The following UTP18 variants were observed in gnomAD, a reference collection of about 807,000 sequenced individuals.
UTP18 encodes UTP18 small subunit processome component.
Under a neutral mutation model 61.1 loss-of-function variants are expected in UTP18, and 36 were observed. The observed-to-expected ratio is 0.59, with a 90% CI of 0.45 to 0.78. The LOEUF is 0.78. Ranked by LOEUF, UTP18 falls within the 30% of genes least tolerant of loss-of-function variation. The pLI is 0.00. For missense variants in UTP18, 753 were observed against 693.9 expected (o/e 1.09, Z -0.96); for synonymous variants, 282 against 251.1 (o/e 1.12, Z -1.16).
chr17:51,282,597 A>T (rs1364228539), intron 9 of UTP18, among the ~76,000 whole-genome samples: 2 of 150,610 alleles, frequency 1.3e-5, no homozygotes, highest in Non-Finnish European at 3.0e-5. Context: ...GTAGAGAGAG[A>T]GTCGGGGAGG....
intron 1 of UTP18, among the ~76,000 whole-genome samples, 179 bp downstream of exon 1, chr17:51,261,105 G>A (rs561849130): frequency 6.6e-6 from 1 of 152,366 alleles, no homozygotes; most frequent in African/African-American, 2.4e-5. Flanking sequence ...CCCTGCTCCA[G>A]ACTGAAAGTG....
At chr17:51,274,912 A>C (rs1439170706) in intron 5 of UTP18, among the ~76,000 whole-genome samples, 2 of 150,812 alleles carry the variant, frequency 1.3e-5, no homozygotes, top group Non-Finnish European at 3.0e-5. Flanking sequence ...TGTAGTTACC[A>C]CATGGCCGGG....
At chr17:51,275,354 T>A (rs1384894994) in intron 5 of UTP18, among the ~76,000 whole-genome samples, 2 of 152,172 alleles carry the variant, frequency 1.3e-5, no homozygotes, top group Non-Finnish European at 2.9e-5. Context: ...GGATGTGAGA[T>A]TACCATTACT....
At chr17:51,266,332 C>T (rs749489154) in intron 3 of UTP18, 52 bp downstream of exon 3, 1 of 1,289,230 alleles carries the variant, frequency 7.8e-7, no homozygotes, top group Admixed American at 2.6e-5. Flanking sequence ...AACCAATGCC[C>T]AGTCATTAAC....
At chr17:51,267,526 A>T (rs1426174205) in intron 3 of UTP18, among the ~76,000 whole-genome samples, 1 of 149,810 alleles carries the variant, frequency 6.7e-6, no homozygotes, top group Non-Finnish European at 1.5e-5. Flanking sequence ...TTAATTAGTC[A>T]CTTTGCATTT....
intron 10 of UTP18, among the ~76,000 whole-genome samples, chr17:51,287,222 A>G (rs1178412619): frequency 6.6e-6 from 1 of 152,178 alleles, no homozygotes; most frequent in African/African-American, 2.4e-5. Flanking sequence ...TTTAATTTTA[A>G]TTGCCCTTCA....
chr17:51,267,030 G>A (rs763459135), intron 3 of UTP18, among the ~76,000 whole-genome samples: 5 of 152,130 alleles, frequency 3.3e-5, no homozygotes, highest in Non-Finnish European at 2.9e-5. Flanking sequence ...GTTTCACTAT[G>A]TTGCTCAGGC....
intron 10 of UTP18, chr17:51,286,537 G>T: frequency 2.2e-6 from 1 of 456,214 alleles, no homozygotes; most frequent in Non-Finnish European, 4.4e-6. Flanking sequence ...TTGCAAATTG[G>T]AGTTTGGGAG....
At chr17:51,265,619 A>G (rs1167323770) in intron 2 of UTP18, among the ~76,000 whole-genome samples, 2 of 134,488 alleles carry the variant, frequency 1.5e-5, no homozygotes, top group African/African-American at 3.0e-5. Context: ...GCTGGAGTAC[A>G]GTGCCACAAT....
At chr17:51,270,647 C>G (rs1031284710) in intron 4 of UTP18, among the ~76,000 whole-genome samples, 3 of 152,080 alleles carry the variant, frequency 2.0e-5, no homozygotes, top group South Asian at 4.1e-4. Flanking sequence ...CCAGAGTTGC[C>G]TAAGATGTTG....
rs761118446 is a variant in UTP18 at position 51,277,245 on chromosome 17, A to G, written c.953A>G (p.Lys318Arg). The change falls in exon 7 of 14, where the codon AAG (lysine) becomes AGG (arginine). Residue 318 changes from lysine to arginine, a missense_variant. Lys to Arg is a conservative substitution (Grantham distance 26). Coordinates refer to ENST00000225298, the MANE Select transcript of UTP18 (RefSeq NM_016001.3). Reference protein sequence around the residue: ...EEVLATSTHSKVLYVYDMLAG... With the variant: ...EEVLATSTHSRVLYVYDMLAG... ...GTTTTAGCCACGAGTACCCACAGCA[A>G]GGTTCTTTATGTCTATGACATGCTG... is the stretch of plus-strand genomic sequence containing the variant. 5.0e-6 allele frequency: 8 copies of G among 1,614,076 alleles called. No individual in the cohort carries two copies. Among genetic ancestry groups the G allele is most frequent in the Non-Finnish European group, 5.1e-6 (6 of 1,180,040 alleles).
intron 11 of UTP18, among the ~76,000 whole-genome samples, chr17:51,293,447 C>T (rs552301797): frequency 3.3e-5 from 5 of 150,572 alleles, no homozygotes; most frequent in South Asian, 2.1e-4. Flanking sequence ...CGGCGCAGGA[C>T]GGTTTGATTG....
chr17:51,272,286 A>C (rs530725676), intron 4 of UTP18, among the ~76,000 whole-genome samples: 2 of 152,008 alleles, frequency 1.3e-5, no homozygotes, highest in South Asian at 4.2e-4. Flanking sequence ...TTTAGTAGAG[A>C]CGGGGTTTCT....
At position 51,275,867 on chromosome 17, in the gene UTP18, TGAA is replaced by T. The variant is rs745904625; in HGVS notation, c.717_719del (p.Lys239del). ...AATCCCAGCTTTCATTTCCTATAGA[TGAA>T]GAACTGCCAGCATGCGAATGCTGAA... On this transcript the variant is annotated inframe_deletion and splice_region_variant, in exon 6 of 14. Coordinates refer to ENST00000225298, the MANE Select transcript of UTP18 (RefSeq NM_016001.3). The T allele has an allele frequency of 1.3e-6, 2 of 1,597,000 alleles. No homozygotes were observed. Among genetic ancestry groups the T allele is most frequent in the East Asian group, 2.3e-5 (1 of 44,204 alleles).
At chr17:51,286,458 C>T (rs1198155250) in intron 10 of UTP18, 3 of 456,188 alleles carry the variant, frequency 6.6e-6, no homozygotes, top group South Asian at 4.6e-5. Context: ...ATACTCTCTA[C>T]TCTTTGTTCA....
At chr17:51,273,312 G>A (rs2144408423) in intron 4 of UTP18, 50 bp from the exon 5 acceptor site, 1 of 1,434,570 alleles carries the variant, frequency 7.0e-7, no homozygotes, top group Non-Finnish European at 9.5e-7. Flanking sequence ...TAGGTAAAAG[G>A]GGCAGCTCAT....
chr17:51,267,171 G>A (rs1455514120), intron 3 of UTP18, among the ~76,000 whole-genome samples: 5 of 152,000 alleles, frequency 3.3e-5, no homozygotes, highest in South Asian at 2.1e-4. Context: ...TCGCCATGTC[G>A]CCCAGGCTGG....
In UTP18 at chr17:51,260,932, G is replaced by A; in HGVS notation, c.342+6G>A. 7.1e-6 allele frequency: 11 copies of A among 1,541,852 alleles called. No homozygotes were observed. The highest frequency in any genetic ancestry group is 9.6e-6 in the Non-Finnish European group (11 of 1,148,336). On this transcript the variant is annotated splice_donor_region_variant and intron_variant, in intron 1 of 13. Transcript: ENST00000225298. ...GGCGTCTGCGAGGCCCGAGGGTGAG[G>A]GAGGCCGCGGCGCGCGGGCTGGGCG...
intron 12 of UTP18, 102 bp downstream of exon 12, chr17:51,294,147 G>T (rs1905301647): frequency 1.1e-6 from 1 of 945,366 alleles, no homozygotes; most frequent in Admixed American, 3.6e-5. Context: ...ATAAATTCTA[G>T]TCTGTTTATC....
Sources: allele counts gnomAD v4.1 joint callset (sites outside exome capture counted in the v4.1 genomes callset), GRCh38; gene constraint gnomAD v4.1.1; transcripts MANE v1.5; gene names NCBI Gene and HGNC (gene_info 2026-07-23, HGNC 2026-07-21).